Variants in GIPC1 observed in about 807,000 individuals in gnomAD.
GIPC1 encodes GIPC PDZ domain containing family member 1, also known as PDZ domain-containing protein GIPC1.
A neutral mutation model predicts 28.5 loss-of-function variants in GIPC1; 15 were observed. The observed-to-expected ratio is 0.53, with a 90% CI of 0.35 to 0.81. GIPC1 has a LOEUF of 0.81. GIPC1 is among the 30% of genes least tolerant of loss of function. The pLI, the probability that GIPC1 is intolerant of heterozygous loss-of-function variation, is 0.01. For missense variants in GIPC1, 439 were observed against 481.9 expected (o/e 0.91, Z 0.83); for synonymous variants, 224 against 206.1 (o/e 1.09, Z -0.74).
At chr19:14,488,982 G>A (rs546782469) in intron 3 of GIPC1, among the ~76,000 whole-genome samples, 1 of 151,882 alleles carries the variant, frequency 6.6e-6, no homozygotes, top group Non-Finnish European at 1.5e-5. Flanking sequence ...CTGCAGTGGA[G>A]TGATGTGATC....
At chr19:14,484,517 G>T (rs868414892) in intron 3 of GIPC1, among the ~76,000 whole-genome samples, 1 of 151,408 alleles carries the variant, frequency 6.6e-6, no homozygotes, top group Admixed American at 6.6e-5. Flanking sequence ...AGGCTGAGGC[G>T]GGTGGATCAC....
rs1356966546 is a variant in GIPC1, at chr19:14,482,847, G to A, written c.130C>T (p.Gln44Ter). Residue 44 changes from glutamine (Q) to a stop codon, truncating the protein, a stop_gained, in exon 4 of 9, where the codon CAA (glutamine) becomes TAA (stop). Transcript: ENST00000393033. LOFTEE classifies it high-confidence loss of function. ...PLGGGGSGGPQMGLPPPPPAL... is the reference protein window; with the variant it reads ...PLGGGGSGGP ...GGGGGAGGGGGGGGCAAGCCCATTT[G>A]GGGGCCCCCCGACCCACCTCCGCCC... The A allele has an allele frequency of 1.3e-6, 2 of 1,574,500 alleles. No homozygotes were observed. The highest frequency in any genetic ancestry group is 1.1e-5 in the South Asian group (1 of 87,482).
At position 14,496,070 on chromosome 19, in the gene GIPC1, C is replaced by CGCCGCT; in HGVS notation, c.-214_-209dup. ...CCGCCGCCGCCGCCGCCGCCGCCGC[C>CGCCGCT]GCCGCTGCCTCCGCCTCCCCGTGCG... On this transcript the variant is annotated 5_prime_UTR_variant, in exon 1 of 9. Transcript: ENST00000393033. 4.0e-6 allele frequency: 1 copy of CGCCGCT among 247,504 alleles called. No individual in the cohort carries two copies. The allele number at this position is 247,504 out of a possible 1,614,324, so 15.3% of individuals were successfully genotyped here. A position where few individuals can be genotyped will look rare whatever the true frequency, so the allele number is the denominator to read the frequency against.
chr19:14,480,845 G>T, intron 4 of GIPC1, 67 bp from the exon 5 acceptor site: 1 of 1,163,102 alleles, frequency 8.6e-7, no homozygotes, highest in Non-Finnish European at 1.3e-6. Flanking sequence ...CCACTGGAGG[G>T]CGAAGGGAGA....
chr19:14,489,076 C>T (rs773632353), intron 3 of GIPC1, among the ~76,000 whole-genome samples: 1 of 152,104 alleles, frequency 6.6e-6, no homozygotes. Context: ...CAGGTGTTCA[C>T]AGCCATGCCC....
intron 1 of GIPC1, among the ~76,000 whole-genome samples, chr19:14,493,498 C>G (rs891988563): frequency 6.6e-5 from 10 of 151,940 alleles, no homozygotes; most frequent in Non-Finnish European, 1.3e-4. Context: ...TGCTCTGTCA[C>G]CCAGGTTGGA....
chr19:14,489,124 C>T (rs1009320772), intron 3 of GIPC1, among the ~76,000 whole-genome samples: 2 of 152,036 alleles, frequency 1.3e-5, no homozygotes, highest in Non-Finnish European at 2.9e-5. Flanking sequence ...GGTCTCACTA[C>T]GTTGCCCAGA....
chr19:14,483,655 A>G (rs1048087116), intron 3 of GIPC1: 1 of 151,668 alleles, frequency 6.6e-6, no homozygotes, highest in Non-Finnish European at 1.5e-5. Flanking sequence ...AGGGTGAGGC[A>G]TAAGAATTGC....
At chr19:14,480,557 T>C (rs1351859791) in intron 5 of GIPC1, 36 bp downstream of exon 5, 3 of 1,608,172 alleles carry the variant, frequency 1.9e-6, no homozygotes, top group Non-Finnish European at 2.5e-6. Flanking sequence ...CCACCCTCAC[T>C]CCCAGGCCTC....
chr19:14,482,634 C>A lies in GIPC1; in HGVS notation c.288+55G>T, dbSNP rs183921179. 4.4e-4 allele frequency: 677 copies of A among 1,540,836 alleles called. 1 individual carries two copies. In the African/African-American group the frequency reaches 8.5e-3, roughly 19 times the overall value. ...CCCCAGCTCATGAACAGGATGCAGG[C>A]CCAGACCTCTGGTCCACCATCAGGG... On this transcript the variant is annotated intron_variant, in intron 4 of 8. Transcript: ENST00000393033.
intron 3 of GIPC1, among the ~76,000 whole-genome samples, chr19:14,486,395 C>T (rs1030445269): frequency 6.6e-6 from 1 of 152,286 alleles, no homozygotes; most frequent in African/African-American, 2.4e-5. Context: ...TGTGACTGGG[C>T]AGATAAATGA....
intron 1 of GIPC1, among the ~76,000 whole-genome samples, chr19:14,494,729 C>CCT (rs1389196150): frequency 6.6e-6 from 1 of 152,178 alleles, no homozygotes; most frequent in African/African-American, 2.4e-5. Context: ...GAAACAGCCC[C>CCT]CTAAACATGC....
Position 14,480,579 on chromosome 19 carries a change from G to A in GIPC1, c.474+14C>T, listed in dbSNP as rs200513133. 1.6e-5 allele frequency: 25 copies of A among 1,611,964 alleles called. No individual in the cohort carries two copies. The highest frequency in any genetic ancestry group is 2.2e-5 in the East Asian group (1 of 44,888). On this transcript the variant is annotated intron_variant, in intron 5 of 8. Transcript: ENST00000393033. ...CACTCCCAGGCCTCCGGGGTGCCCC[G>A]TCTCCCCAGGCACCTTGATGAAGGC...
At chr19:14,490,320 C>G (rs763634479) in intron 3 of GIPC1, among the ~76,000 whole-genome samples, 1 of 146,228 alleles carries the variant, frequency 6.8e-6, no homozygotes, top group African/African-American at 2.6e-5. Flanking sequence ...GAATCAAGAC[C>G]GTGCCATTGC....
In GIPC1 at chr19:14,480,756, G is replaced by A; in HGVS notation, c.311C>T (p.Thr104Ile). The stretch of plus-strand genomic sequence containing the variant: ...GAGCTTGTCCATGTCCACTTTGTGG[G>A]TGTTCAGGGTGCAGAACATCACCTG... Reference protein sequence around the residue: ...TAEVMFCTLNTHKVDMDKLLG... With the variant: ...TAEVMFCTLNIHKVDMDKLLG... The change falls in exon 5 of 9, where the codon ACC becomes ATC. Residue 104 changes from threonine (T) to isoleucine (I), a missense_variant. Coordinates refer to ENST00000393033, the MANE Select transcript of GIPC1 (RefSeq NM_005716.4). The A allele has an allele frequency of 6.2e-7, 1 of 1,613,130 alleles. No homozygotes were observed. Among genetic ancestry groups the A allele is most frequent in the Non-Finnish European group, 8.5e-7 (1 of 1,179,110 alleles).
rs749101697 is a variant in GIPC1, at chr19:14,482,757, C to T, written c.220G>A (p.Glu74Lys). ...AGCTCCTTGACGTTGGTGAAGCCCTCGATGCGGCCAGTGGGACTGCCATGG... is the reference window on the plus strand; with the variant it reads ...AGCTCCTTGACGTTGGTGAAGCCCTTGATGCGGCCAGTGGGACTGCCATGG... ...LAHGSPTGRI[E>K]GFTNVKELYG... The change falls in exon 4 of 9, where the codon GAG (glutamate) becomes AAG (lysine). Residue 74 changes from glutamate to lysine, a missense_variant. Coordinates refer to ENST00000393033, the MANE Select transcript of GIPC1 (RefSeq NM_005716.4). The T allele has an allele frequency of 2.5e-6, 4 of 1,611,122 alleles. No homozygotes were observed. Among genetic ancestry groups the T allele is most frequent in the African/African-American group, 1.3e-5 (1 of 74,864 alleles).
chr19:14,495,685 C>CG (rs1288450881), intron 1 of GIPC1, among the ~76,000 whole-genome samples: 15 of 152,034 alleles, frequency 9.9e-5, no homozygotes, highest in Admixed American at 9.8e-4. Context: ...GGTTCAGACG[C>CG]GGTTAGCTCA....
chr19:14,495,832 G>A (rs1309159084), intron 1 of GIPC1, among the ~76,000 whole-genome samples: 2 of 151,888 alleles, frequency 1.3e-5, no homozygotes, highest in East Asian at 3.9e-4. Context: ...TTTGTCCCCT[G>A]CCCGCCAGCA....
In GIPC1 at chr19:14,482,998, C is replaced by T; in HGVS notation, c.-22G>A. On this transcript the variant is annotated 5_prime_UTR_variant, in exon 4 of 9. In the 5' UTR this introduces an upstream ATG that the reference lacks. Transcript: ENST00000393033. Reference sequence around the variant, plus strand: ...GCATGAGCAGCGAGAAGTGGGGTCACCAGAAGATCTGCAGGACAGGAAGTG... The same window carrying T: ...GCATGAGCAGCGAGAAGTGGGGTCATCAGAAGATCTGCAGGACAGGAAGTG... The T allele has an allele frequency of 1.2e-6, 2 of 1,604,306 alleles. No individual in the cohort carries two copies. The highest frequency in any genetic ancestry group is 1.7e-6 in the Non-Finnish European group (2 of 1,178,330).
Sources: gnomAD v4.1 joint callset for allele counts (sites outside exome capture counted in the v4.1 genomes callset) on GRCh38, gnomAD v4.1.1 for gene constraint, MANE v1.5 for transcripts, NCBI Gene and HGNC (gene_info 2026-07-23, HGNC 2026-07-21) for gene names.